OR4K17: variants seen among roughly 807,000 people sequenced by gnomAD.
OR4K17 encodes the protein olfactory receptor 4K17.
For missense variants in OR4K17, 480 were observed against 366.3 expected (o/e 1.31, Z -2.53); for synonymous variants, 157 against 132.8 (o/e 1.18, Z -1.25).
chr14:20,111,438 T>C (rs1877881346), intron 1 of OR4K17, among the ~76,000 whole-genome samples: 1 of 151,980 alleles, frequency 6.6e-6, no homozygotes, highest in African/African-American at 2.4e-5. Context: ...TGGTTGTATG[T>C]ATTTCTTCTT....
rs996301418 is a variant in OR4K17 at position 20,121,511 on chromosome 14, A to G, written c.*3073A>G. 5 of 152,188 alleles carry G rather than the reference A, an allele frequency of 3.3e-5. No individual in the cohort carries two copies. The highest frequency in any genetic ancestry group is 9.6e-5 in the African/African-American group (4 of 41,462). 9.4% of individuals were successfully genotyped at this position (152,188 alleles called of 1,614,324 possible). A position where few individuals can be genotyped will look rare whatever the true frequency, so the allele number is the denominator to read the frequency against. ...TGGGGGAGGTAGAATAAAAGTGTAG[A>G]CTTTTTAAATGCAATCAAAGTTAGG... is the stretch of plus-strand genomic sequence containing the variant. On this transcript the variant is annotated 3_prime_UTR_variant, in exon 2 of 2. Transcript: ENST00000641386.
chr14:20,117,971 T>C lies in OR4K17; in HGVS notation c.472T>C (p.Phe158Leu), dbSNP rs763111501. ...SWLLGLLHSG[F>L]QIPFAVNLPF... ...GCTCTTGGGTCTCCTTCACTCAGGG[T>C]TTCAGATACCATTTGCTGTGAACTT... Residue 158 changes from phenylalanine to leucine, a missense_variant, in exon 2 of 2, where the codon TTT becomes CTT. Transcript: ENST00000641386. 98 of 1,613,996 alleles carry C rather than the reference T, an allele frequency of 6.1e-5. No homozygotes were observed. Among genetic ancestry groups the C allele is most frequent in the Non-Finnish European group, 7.7e-5 (91 of 1,180,022 alleles).
In OR4K17 at chr14:20,117,939, C is replaced by A. The variant is rs1878047077; in HGVS notation, c.440C>A (p.Thr147Asn). Residue 147 changes from threonine (T) to asparagine (N), a missense_variant, in exon 2 of 2, where the codon ACC (threonine) becomes AAC (asparagine). Thr to Asn is a moderately conservative substitution (Grantham distance 65). Transcript: ENST00000641386. The stretch of plus-strand genomic sequence containing the variant: ...AAGGTATGTGTTTTGCTTGTAGTGA[C>A]CTCATGGCTCTTGGGTCTCCTTCAC... ...NKKVCVLLVV[T>N]SWLLGLLHSG... 1.2e-6 allele frequency: 2 copies of A among 1,613,966 alleles called. No individual in the cohort carries two copies. Among genetic ancestry groups the A allele is most frequent in the East Asian group, 2.2e-5 (1 of 44,886 alleles).
At position 20,117,489 on chromosome 14, in the gene OR4K17, G is replaced by A; in HGVS notation, c.-11G>A. ...ACAGGTCATCCAAGAGCGAGCTGTAGGATGGAGGCCATGAAACTATTAAAT... is the reference window on the plus strand; with the variant it reads ...ACAGGTCATCCAAGAGCGAGCTGTAAGATGGAGGCCATGAAACTATTAAAT... On this transcript the variant is annotated 5_prime_UTR_variant, in exon 2 of 2. Coordinates refer to ENST00000641386, the MANE Select transcript of OR4K17 (RefSeq NM_001004715.5). 1.2e-6 allele frequency: 2 copies of A among 1,613,676 alleles called. No individual in the cohort carries two copies. Among genetic ancestry groups the A allele is most frequent in the Non-Finnish European group, 1.7e-6 (2 of 1,179,696 alleles).
rs763273256 is a variant in OR4K17, at chr14:20,117,496, G to A, written c.-4G>A. ...ATCCAAGAGCGAGCTGTAGGATGGAGGCCATGAAACTATTAAATCAATCTC... is the reference window on the plus strand; with the variant it reads ...ATCCAAGAGCGAGCTGTAGGATGGAAGCCATGAAACTATTAAATCAATCTC... On this transcript the variant is annotated 5_prime_UTR_variant, in exon 2 of 2. Coordinates refer to ENST00000641386, the MANE Select transcript of OR4K17 (RefSeq NM_001004715.5). 6.2e-7 allele frequency: 1 copy of A among 1,613,522 alleles called. No homozygotes were observed.
rs146440457 is a variant in OR4K17, at chr14:20,111,359, A to G, written c.-33+467A>G. ...GAGTCAGTTTCTTAGGAAAGTTTCC[A>G]CTGAGAATGTATTGATTTGGACATT... On this transcript the variant is annotated intron_variant, in intron 1 of 1. Coordinates refer to ENST00000641386, the MANE Select transcript of OR4K17 (RefSeq NM_001004715.5). 2.9e-3 allele frequency among the ~76,000 whole-genome samples: 436 copies of G among 152,146 alleles called. 1 individual carries two copies. Among genetic ancestry groups the G allele is most frequent in the African/African-American group, 1.0e-2 (414 of 41,550 alleles).
At position 20,119,166 on chromosome 14, in the gene OR4K17, C is replaced by G. The variant is rs1878098023; in HGVS notation, c.*728C>G. ...AAATATGACTCTGTTCCACCCAGCT[C>G]CCAGGCAGTCAGACCTAATGGTTAT... is the stretch of plus-strand genomic sequence containing the variant. On this transcript the variant is annotated 3_prime_UTR_variant, in exon 2 of 2. Coordinates refer to ENST00000641386, the MANE Select transcript of OR4K17 (RefSeq NM_001004715.5). The G allele has an allele frequency of 6.6e-6, 1 of 152,226 alleles. No individual in the cohort carries two copies. Among genetic ancestry groups the G allele is most frequent in the Non-Finnish European group, 1.5e-5 (1 of 68,038 alleles). The allele number at this position is 152,226 out of a possible 1,614,324, so 9.4% of individuals were successfully genotyped here. A position where few individuals can be genotyped will look rare whatever the true frequency, so the allele number is the denominator to read the frequency against.
Position 20,121,644 on chromosome 14 carries a change from A to T in OR4K17, c.*3206A>T, listed in dbSNP as rs185865606. 13 of 152,154 alleles carry T rather than the reference A, an allele frequency of 8.5e-5. No individual in the cohort carries two copies. Among genetic ancestry groups the T allele is most frequent in the African/African-American group, 3.1e-4 (13 of 41,564 alleles). The allele number at this position is 152,154 out of a possible 1,614,324, so 9.4% of individuals were successfully genotyped here. On this transcript the variant is annotated 3_prime_UTR_variant, in exon 2 of 2. Coordinates refer to ENST00000641386, the MANE Select transcript of OR4K17 (RefSeq NM_001004715.5). Reference sequence around the variant, plus strand: ...GAGCATTTACAAAAACAAAAAAAATAAAAAATCAAAGCATATGCTGGAGAA... The same window carrying T: ...GAGCATTTACAAAAACAAAAAAAATTAAAAATCAAAGCATATGCTGGAGAA...
intron 1 of OR4K17, 182 bp from the exon 2 acceptor site, chr14:20,117,286 T>G: frequency 1.5e-6 from 1 of 671,000 alleles, no homozygotes; most frequent in Non-Finnish European, 2.5e-6. Context: ...TCATTGCTCT[T>G]TTATGGAAGT....
chr14:20,113,303 T>G (rs1877920308), intron 1 of OR4K17, among the ~76,000 whole-genome samples: 1 of 152,052 alleles, frequency 6.6e-6, no homozygotes, highest in African/African-American at 2.4e-5. Context: ...ACCTATTTAT[T>G]CTAATAATTG....
intron 1 of OR4K17, 179 bp from the exon 2 acceptor site, chr14:20,117,289 A>G (rs1015499134): frequency 7.2e-5 from 49 of 677,824 alleles, no homozygotes; most frequent in Middle Eastern, 8.3e-4. Flanking sequence ...TTGCTCTTTT[A>G]TGGAAGTGGA....
At position 20,118,330 on chromosome 14, in the gene OR4K17, C is replaced by G; in HGVS notation, c.831C>G (p.Ile277Met). 6.2e-7 allele frequency: 1 copy of G among 1,612,226 alleles called. No homozygotes were observed. Among genetic ancestry groups the G allele is most frequent in the Non-Finnish European group, 8.5e-7 (1 of 1,178,294 alleles). The change falls in exon 2 of 2, where the codon ATC becomes ATG. Residue 277 changes from isoleucine to methionine, a missense_variant. Physicochemically the swap from Ile to Met is conservative, Grantham distance 10. Coordinates refer to ENST00000641386, the MANE Select transcript of OR4K17 (RefSeq NM_001004715.5). ...AGTTCCTTGCTGTGTTTTATACCAT[C>G]ATCACTCCTATCTTGAATCCAATTA... ...VDKFLAVFYT[I>M]ITPILNPIIY...
chr14:20,113,112 G>A (rs943774553), intron 1 of OR4K17, among the ~76,000 whole-genome samples: 1 of 151,886 alleles, frequency 6.6e-6, no homozygotes, highest in Non-Finnish European at 1.5e-5. Context: ...ATGAAATATG[G>A]CATTACAGCA....
rs1878050360 is a variant in OR4K17, at chr14:20,118,008, G to A, written c.509G>A (p.Gly170Asp). The stretch of plus-strand genomic sequence containing the variant: ...TTTGCTGTGAACTTGCCCTTTTGTG[G>A]TCCCAATGTGGTAGACAGCATTTTT... ...IPFAVNLPFC[G>D]PNVVDSIFCD... The change falls in exon 2 of 2, where the codon GGT becomes GAT. Residue 170 changes from glycine (G) to aspartate (D), a missense_variant. Gly to Asp is a moderately conservative substitution (Grantham distance 94). Coordinates refer to ENST00000641386, the MANE Select transcript of OR4K17 (RefSeq NM_001004715.5). 2 of 1,614,104 alleles carry A rather than the reference G, an allele frequency of 1.2e-6. No homozygotes were observed. Among genetic ancestry groups the A allele is most frequent in the Non-Finnish European group, 1.7e-6 (2 of 1,180,012 alleles).
rs1878161851 is a variant in OR4K17 at position 20,121,271 on chromosome 14, C to T, written c.*2833C>T. On this transcript the variant is annotated 3_prime_UTR_variant, in exon 2 of 2. Coordinates refer to ENST00000641386, the MANE Select transcript of OR4K17 (RefSeq NM_001004715.5). Reference sequence around the variant, plus strand: ...CTCCAAAGAAACAGAGACCTATGAACTCCCAGACAAAGACTTCACAATAAT... The same window carrying T: ...CTCCAAAGAAACAGAGACCTATGAATTCCCAGACAAAGACTTCACAATAAT... 1 of 152,184 alleles carries T rather than the reference C, an allele frequency of 6.6e-6. No homozygotes were observed. Among genetic ancestry groups the T allele is most frequent in the Non-Finnish European group, 1.5e-5 (1 of 68,030 alleles). The allele number at this position is 152,184 out of a possible 1,614,324, so 9.4% of individuals were successfully genotyped here. A position where few individuals can be genotyped will look rare whatever the true frequency, so the allele number is the denominator to read the frequency against.
At chr14:20,116,373 A>G (rs921608621) in intron 1 of OR4K17, among the ~76,000 whole-genome samples, 1 of 152,054 alleles carries the variant, frequency 6.6e-6, no homozygotes, top group Non-Finnish European at 1.5e-5. Flanking sequence ...CATACATTAT[A>G]TTATTTTCCA....
At chr14:20,114,083 T>C (rs1877936011) in intron 1 of OR4K17, among the ~76,000 whole-genome samples, 1 of 151,976 alleles carries the variant, frequency 6.6e-6, no homozygotes, top group African/African-American at 2.4e-5. Context: ...GTAAACCAAA[T>C]GGCTATTCTA....
In OR4K17 at chr14:20,121,051, G is replaced by A. The variant is rs1487145552; in HGVS notation, c.*2613G>A. The A allele has an allele frequency of 6.6e-6, 1 of 152,348 alleles. No homozygotes were observed. The highest frequency in any genetic ancestry group is 1.9e-4 in the East Asian group (1 of 5,194). The allele number at this position is 152,348 out of a possible 1,614,324, so 9.4% of individuals were successfully genotyped here. A position where few individuals can be genotyped will look rare whatever the true frequency, so the allele number is the denominator to read the frequency against. On this transcript the variant is annotated 3_prime_UTR_variant, in exon 2 of 2. Transcript: ENST00000641386. ...CTGCACCTTCACAATAGTCAGAGCA[G>A]TTGTGTTTTACTCAACCAATCCCCT...
At chr14:20,112,189 G>A (rs985243974) in intron 1 of OR4K17, 3 of 152,034 alleles carry the variant, frequency 2.0e-5, no homozygotes, top group Non-Finnish European at 4.4e-5. Flanking sequence ...AGCTGACAGT[G>A]AATTTCAGAA....
Sources: allele counts gnomAD v4.1 joint callset (sites outside exome capture counted in the v4.1 genomes callset), GRCh38; gene constraint gnomAD v4.1.1; transcripts MANE v1.5; gene names NCBI Gene and HGNC (gene_info 2026-07-23, HGNC 2026-07-21).